Variants in IQSEC1 observed in about 807,000 individuals in gnomAD.
IQSEC1 encodes IQ motif and Sec7 domain ArfGEF 1, also known as IQ motif and SEC7 domain-containing protein 1.
A neutral mutation model predicts 91.0 loss-of-function variants in IQSEC1; 31 were observed. The observed-to-expected ratio is 0.34, with a 90% CI of 0.26 to 0.46. IQSEC1 has a LOEUF of 0.46. IQSEC1 is among the 20% of genes least tolerant of loss of function. IQSEC1 has a pLI of 1.00. For missense variants in IQSEC1, 1,388 were observed against 1,575.6 expected (o/e 0.88, Z 2.02); for synonymous variants, 699 against 662.6 (o/e 1.05, Z -0.84).
At chr3:13,144,302 G>A (rs916384226) in intron 2 of IQSEC1, among the ~76,000 whole-genome samples, 4 of 152,198 alleles carry the variant, frequency 2.6e-5, no homozygotes, top group Admixed American at 6.5e-5. Flanking sequence ...CTAGAAAGCC[G>A]TGTGCTGTGG....
rs1377156598 is a variant in IQSEC1 at position 12,994,045 on chromosome 3, G to C, written c.24-52180C>G. On this transcript the variant is annotated intron_variant, in intron 1 of 13. Coordinates refer to ENST00000613206, the MANE Select transcript of IQSEC1 (RefSeq NM_001134382.3). The surrounding 1 kb of genome is among the most constrained non-coding windows in gnomAD (Gnocchi z 4.5). ...CCGCCCGGGGCCCCGCACCGCACCG[G>C]TCGCCGGGCGCGTCCCCCGCCGGCC... Among the ~76,000 whole-genome samples the C allele has an allele frequency of 1.3e-5, 2 of 148,296 alleles. No individual in the cohort carries two copies.
chr3:12,941,458 AC>A, intron 2 of IQSEC1, 112 bp downstream of exon 2: 2 of 1,098,918 alleles, frequency 1.8e-6, no homozygotes, highest in South Asian at 1.7e-5. Flanking sequence ...GCCCACATGC[AC>A]CCCAACTCAA....
In IQSEC1 at chr3:13,137,289, G is replaced by A. The variant is rs139130523; in HGVS notation, c.302+26815C>T. ...AAAATAAATGGAATGACCCAAACACGCCCTGACAGGAGAATGCAAAAATAA... is the reference window on the plus strand; with the variant it reads ...AAAATAAATGGAATGACCCAAACACACCCTGACAGGAGAATGCAAAAATAA... On this transcript the variant is annotated intron_variant, in intron 2 of 15. Transcript: ENST00000648114. Among the ~76,000 whole-genome samples, 116 of 152,206 alleles carry A rather than the reference G, an allele frequency of 7.6e-4. 1 individual carries two copies. Among genetic ancestry groups the A allele is most frequent in the South Asian group, 2.9e-3 (14 of 4,824 alleles).
chr3:13,016,672 C>A (rs1703147717), intron 1 of IQSEC1, among the ~76,000 whole-genome samples: 1 of 152,230 alleles, frequency 6.6e-6, no homozygotes, highest in Non-Finnish European at 1.5e-5. Flanking sequence ...AAGGTCCTCA[C>A]AAACTCACTC....
intron 1 of IQSEC1, among the ~76,000 whole-genome samples, chr3:13,013,606 G>A (rs111656576): frequency 2.0e-4 from 31 of 152,158 alleles, no homozygotes; most frequent in African/African-American, 6.3e-4. Flanking sequence ...CCCTCCTTGC[G>A]CCCATCTCCT....
chr3:12,904,451 G>C (rs1169405479), intron 12 of IQSEC1, among the ~76,000 whole-genome samples: 1 of 152,240 alleles, frequency 6.6e-6, no homozygotes, highest in Non-Finnish European at 1.5e-5. Flanking sequence ...TTCTCAGCCG[G>C]AAGTAAGAGG....
At chr3:13,146,094 C>T (rs931472375) in intron 2 of IQSEC1, among the ~76,000 whole-genome samples, 16 of 151,968 alleles carry the variant, frequency 1.1e-4, no homozygotes, top group African/African-American at 3.9e-4. Flanking sequence ...CTCAAGTGAT[C>T]CTCTTGCCTC....
chr3:13,096,150 C>T (rs2125147435), intron 2 of IQSEC1, among the ~76,000 whole-genome samples: 1 of 151,966 alleles, frequency 6.6e-6, no homozygotes, highest in South Asian at 2.1e-4. Context: ...AGTGTAGACT[C>T]AGCTTTCCTA....
intron 2 of IQSEC1, among the ~76,000 whole-genome samples, chr3:13,109,884 C>CTTTT (rs34511430): frequency 4.1e-5 from 5 of 123,240 alleles, no homozygotes; most frequent in South Asian, 2.7e-4. Context: ...GGGATAAATT[C>CTTTT]TTTTTTTTTT....
intron 1 of IQSEC1, among the ~76,000 whole-genome samples, chr3:13,196,754 G>GTGTA (rs1448921466): frequency 3.5e-5 from 1 of 28,302 alleles, no homozygotes; most frequent in Non-Finnish European, 6.3e-5. Flanking sequence ...GTGTGCGTGT[G>GTGTA]TGTGTGTGTG....
chr3:12,909,815 G>C lies in IQSEC1; in HGVS notation c.2417-381C>G, dbSNP rs1695395385. ...GCCTGTGGCCCACAGCTCCCATGGG[G>C]TGCACTATGGGCACTCCACAGCCAA... On this transcript the variant is annotated intron_variant, in intron 10 of 13. Coordinates refer to ENST00000613206, the MANE Select transcript of IQSEC1 (RefSeq NM_001134382.3). This position sits in a 1 kb window ranked among gnomAD's most constrained non-coding sequence, Gnocchi z 4.9. Among the ~76,000 whole-genome samples, 6 of 152,234 alleles carry C rather than the reference G, an allele frequency of 3.9e-5. No homozygotes were observed. The highest frequency in any genetic ancestry group is 3.9e-4 in the Admixed American group (6 of 15,286).
intron 2 of IQSEC1, among the ~76,000 whole-genome samples, chr3:13,094,477 CAG>C (rs1324717776): frequency 6.6e-6 from 1 of 152,204 alleles, no homozygotes; most frequent in African/African-American, 2.4e-5. Flanking sequence ...TGGCGAGATG[CAG>C]AGTGATGTCT....
intron 1 of IQSEC1, among the ~76,000 whole-genome samples, chr3:13,012,308 C>T (rs1702919948): frequency 6.6e-6 from 1 of 152,182 alleles, no homozygotes; most frequent in Non-Finnish European, 1.5e-5. Context: ...TGCCATTTGC[C>T]AGGCTACCTC....
At chr3:13,041,813 C>A (rs1221093486) in intron 1 of IQSEC1, among the ~76,000 whole-genome samples, 1 of 152,202 alleles carries the variant, frequency 6.6e-6, no homozygotes, top group Non-Finnish European at 1.5e-5. Context: ...ATCGCGCAGC[C>A]AGGAAAGGGA....
At chr3:13,018,762 T>C (rs1419814233) in intron 1 of IQSEC1, among the ~76,000 whole-genome samples, 4 of 152,180 alleles carry the variant, frequency 2.6e-5, no homozygotes, top group Non-Finnish European at 4.4e-5. Flanking sequence ...CTGCCTGTTA[T>C]ACAAACAGCC....
intron 1 of IQSEC1, among the ~76,000 whole-genome samples, chr3:13,165,966 G>A (rs1463167069): frequency 6.6e-6 from 1 of 152,196 alleles, no homozygotes; most frequent in Non-Finnish European, 1.5e-5. Flanking sequence ...TGACACCACA[G>A]GCTTATGTGT....
chr3:13,032,827 G>A (rs527822347), intron 1 of IQSEC1, among the ~76,000 whole-genome samples: 1 of 152,168 alleles, frequency 6.6e-6, no homozygotes, highest in South Asian at 2.1e-4. Context: ...CTCGTGATCC[G>A]CCTGCCTCGG....
chr3:12,946,448 C>T (rs1006556213), intron 1 of IQSEC1, among the ~76,000 whole-genome samples: 1 of 152,214 alleles, frequency 6.6e-6, no homozygotes, highest in African/African-American at 2.4e-5. Context: ...ATCCTATGAG[C>T]GTTAGGTGGC....
At chr3:13,108,354 A>G (rs906148424) in intron 2 of IQSEC1, among the ~76,000 whole-genome samples, 2 of 152,220 alleles carry the variant, frequency 1.3e-5, no homozygotes, top group African/African-American at 4.8e-5. Context: ...TCTTATTTTT[A>G]TCTAGTGGAT....
Sources: gnomAD v4.1 joint callset for allele counts (sites outside exome capture counted in the v4.1 genomes callset) on GRCh38, gnomAD v4.1.1 for gene constraint, Gnocchi (gnomAD v3.1) non-coding constraint, MANE v1.5 for transcripts, NCBI Gene and HGNC (gene_info 2026-07-23, HGNC 2026-07-21) for gene names.